Variants in WWOX observed in about 807,000 individuals in gnomAD.
WWOX encodes the protein WW domain-containing oxidoreductase.
A neutral mutation model predicts 46.2 loss-of-function variants in WWOX; 69 were observed. The ratio of observed to expected loss-of-function variants is 1.49; its 90% CI spans 1.23 to 1.82. The LOEUF (loss-of-function observed/expected upper bound fraction) is 1.82, where lower values mean the gene tolerates loss of function less well. Among genes scored for constraint, WWOX ranks in the 40% most tolerant of loss-of-function variants. WWOX has a pLI of 0.00. For missense variants in WWOX, 919 were observed against 542.6 expected, an observed-to-expected ratio of 1.69 and a Z score of -6.89; for synonymous variants, 359 against 202.6, an observed-to-expected ratio of 1.77 and a Z score of -6.56.
chr16:78,715,776 C>T (rs373444035), intron 8 of WWOX, among the ~76,000 whole-genome samples: 9 of 152,170 alleles, frequency 5.9e-5, no homozygotes, highest in Non-Finnish European at 1.3e-4. Context: ...CGTGCCCAGC[C>T]GTGTCTGACC....
intron 8 of WWOX, among the ~76,000 whole-genome samples, chr16:78,976,904 C>G (rs1323663839): frequency 1.3e-5 from 2 of 152,166 alleles, no homozygotes; most frequent in Non-Finnish European, 2.9e-5. Flanking sequence ...CTCCCATGCC[C>G]TTTTCTTTTT....
At chr16:78,952,678 C>G (rs941321130) in intron 8 of WWOX, among the ~76,000 whole-genome samples, 1 of 152,162 alleles carries the variant, frequency 6.6e-6, no homozygotes, top group African/African-American at 2.4e-5. Flanking sequence ...GCCACCACAC[C>G]TGGCCTGTTT....
chr16:78,352,891 T>C (rs2081212699), intron 5 of WWOX, among the ~76,000 whole-genome samples: 1 of 152,182 alleles, frequency 6.6e-6, no homozygotes, highest in Admixed American at 6.5e-5. Context: ...AGAAACTGGA[T>C]AGGAGTATAG....
chr16:78,451,853 ACT>A (rs1453719308), intron 8 of WWOX, among the ~76,000 whole-genome samples: 19 of 152,150 alleles, frequency 1.2e-4, no homozygotes, highest in Non-Finnish European at 8.8e-5. Context: ...ATACCCTTCA[ACT>A]CTTGATTCTA....
At chr16:78,568,413 C>T (rs2044627580) in intron 8 of WWOX, among the ~76,000 whole-genome samples, 1 of 151,530 alleles carries the variant, frequency 6.6e-6, no homozygotes. Context: ...CAAGAAATTG[C>T]TAACCACTGC....
chr16:78,949,295 G>A (rs117033769), intron 8 of WWOX, among the ~76,000 whole-genome samples: 1,965 of 152,208 alleles, frequency 0.013, 49 homozygotes, highest in East Asian at 0.076. Flanking sequence ...CAACTGTGCC[G>A]TCGTGACTAG....
At chr16:79,132,264 A>T (rs1254431454) in intron 8 of WWOX, among the ~76,000 whole-genome samples, 2 of 152,142 alleles carry the variant, frequency 1.3e-5, no homozygotes, top group Admixed American at 6.5e-5. Flanking sequence ...CATTTTACAT[A>T]AAAAGGCAGC....
intron 8 of WWOX, among the ~76,000 whole-genome samples, chr16:78,811,346 A>G (rs1194834560): frequency 6.6e-6 from 1 of 152,070 alleles, no homozygotes; most frequent in Non-Finnish European, 1.5e-5. Flanking sequence ...TATATCTACT[A>G]GTATATTTAT....
chr16:78,752,790 T>A (rs1324605521), intron 8 of WWOX, among the ~76,000 whole-genome samples: 1 of 152,176 alleles, frequency 6.6e-6, no homozygotes, highest in Non-Finnish European at 1.5e-5. Flanking sequence ...TCCAATAAAT[T>A]TAATCACATA....
intron 8 of WWOX, among the ~76,000 whole-genome samples, chr16:78,479,649 A>G (rs541224646): frequency 6.6e-6 from 1 of 152,192 alleles, no homozygotes; most frequent in African/African-American, 2.4e-5. Context: ...TGTTATAGGA[A>G]TGATTGACAT....
At chr16:78,430,156 C>T (rs1354102088) in intron 7 of WWOX, among the ~76,000 whole-genome samples, 1 of 152,146 alleles carries the variant, frequency 6.6e-6, no homozygotes, top group Non-Finnish European at 1.5e-5. Context: ...TGACATCAGG[C>T]AACAGAGTAT....
intron 8 of WWOX, among the ~76,000 whole-genome samples, chr16:78,766,945 C>A (rs747607057): frequency 6.6e-6 from 1 of 152,182 alleles, no homozygotes; most frequent in Non-Finnish European, 1.5e-5. Context: ...TCCTCACTTC[C>A]CCAAGCTTGT....
chr16:78,405,650 G>C (rs1405286017), intron 6 of WWOX, among the ~76,000 whole-genome samples: 1 of 152,142 alleles, frequency 6.6e-6, no homozygotes, highest in South Asian at 2.1e-4. Context: ...ATGATTGGTG[G>C]GTACCATATC....
intron 8 of WWOX, among the ~76,000 whole-genome samples, chr16:79,026,430 C>T (rs1451123980): frequency 6.6e-6 from 1 of 151,576 alleles, no homozygotes; most frequent in Non-Finnish European, 1.5e-5. Context: ...GCTGTGGACT[C>T]TCTGGGAACT....
intron 8 of WWOX, among the ~76,000 whole-genome samples, chr16:78,779,737 G>C (rs974856260): frequency 6.6e-6 from 1 of 152,176 alleles, no homozygotes; most frequent in Non-Finnish European, 1.5e-5. Flanking sequence ...ACCAGGATGT[G>C]AGAGACATTC....
intron 8 of WWOX, among the ~76,000 whole-genome samples, chr16:78,793,457 A>T (rs1035677726): frequency 6.6e-6 from 1 of 152,010 alleles, no homozygotes. Flanking sequence ...GACTTTCCTC[A>T]TTTTTTATCC....
chr16:78,998,600 T>C (rs535009291), intron 8 of WWOX, among the ~76,000 whole-genome samples: 1 of 152,320 alleles, frequency 6.6e-6, no homozygotes, highest in Admixed American at 6.5e-5. Flanking sequence ...AGACTCAATT[T>C]CTTAGTATAT....
intron 8 of WWOX, among the ~76,000 whole-genome samples, chr16:78,775,794 C>A (rs2050175745): frequency 6.6e-6 from 1 of 152,174 alleles, no homozygotes; most frequent in Non-Finnish European, 1.5e-5. Flanking sequence ...GGAGCAGTGG[C>A]TTTTGGCCCA....
chr16:78,978,617 T>C (rs2046618810), intron 8 of WWOX, among the ~76,000 whole-genome samples: 1 of 152,104 alleles, frequency 6.6e-6, no homozygotes, highest in African/African-American at 2.4e-5. Context: ...CTTCTGCTAC[T>C]GGGGGCGCCT....
Sources: allele counts gnomAD v4.1 joint callset (sites outside exome capture counted in the v4.1 genomes callset), GRCh38; gene constraint gnomAD v4.1.1; transcripts MANE v1.5; gene names NCBI Gene and HGNC (gene_info 2026-07-23, HGNC 2026-07-21).